Variants in DECR1 observed in about 807,000 individuals in gnomAD.
The protein encoded by DECR1 is 2,4-dienoyl-CoA reductase [(3E)-enoyl-CoA-producing], mitochondrial.
DECR1 carries 44 observed loss-of-function variants against 38.8 expected under a neutral mutation model. That is an observed-to-expected ratio of 1.13 (90% CI 0.89 to 1.46). The LOEUF (loss-of-function observed/expected upper bound fraction) is 1.46. Ranked by LOEUF, DECR1 falls within the 40% of genes most tolerant of loss-of-function variation. The pLI, the probability that DECR1 is intolerant of heterozygous loss-of-function variation, is 0.00. For missense variants in DECR1, 428 were observed against 405.5 expected (o/e 1.06, Z -0.48); for synonymous variants, 148 against 135.2 (o/e 1.09, Z -0.66).
At chr8:90,005,476 A>G (rs964891032) in intron 1 of DECR1, 1 of 455,896 alleles carries the variant, frequency 2.2e-6, no homozygotes, top group Non-Finnish European at 4.4e-6. Flanking sequence ...ATGGAAGCCA[A>G]AGTATCACTT....
chr8:90,012,781 A>G (rs565606713), intron 1 of DECR1, among the ~76,000 whole-genome samples: 29 of 152,320 alleles, frequency 1.9e-4, no homozygotes, highest in South Asian at 1.0e-3. Context: ...TAGCAGGCCA[A>G]TTTGGAAGCC....
At chr8:90,051,090 G>A (rs770760438) in intron 8 of DECR1, among the ~76,000 whole-genome samples, 9 of 151,736 alleles carry the variant, frequency 5.9e-5, no homozygotes, top group Admixed American at 2.6e-4. Flanking sequence ...GAGTTAATGC[G>A]TGCAGCACAC....
intron 8 of DECR1, among the ~76,000 whole-genome samples, chr8:90,049,782 A>G (rs1299440802): frequency 6.6e-6 from 1 of 152,222 alleles, no homozygotes; most frequent in East Asian, 1.9e-4. Flanking sequence ...AAACTATACT[A>G]CAAGGCTACA....
intron 1 of DECR1, among the ~76,000 whole-genome samples, chr8:90,012,387 A>G (rs1413638743): frequency 1.3e-5 from 2 of 152,064 alleles, no homozygotes; most frequent in Non-Finnish European, 2.9e-5. Context: ...TCCTGATCTC[A>G]GGTGGTCCAC....
At chr8:90,047,032 G>T (rs574941938) in intron 8 of DECR1, among the ~76,000 whole-genome samples, 4 of 152,112 alleles carry the variant, frequency 2.6e-5, no homozygotes, top group Non-Finnish European at 2.9e-5. Flanking sequence ...CCTGAAGGAA[G>T]CACTAAACAT....
intron 1 of DECR1, chr8:90,015,430 G>A (rs1812984187): frequency 3.2e-6 from 1 of 307,848 alleles, no homozygotes; most frequent in Admixed American, 4.1e-5. Context: ...TTTCCTTCTA[G>A]TCTTTTTTTC....
At chr8:90,040,065 C>T (rs1023803775) in intron 6 of DECR1, among the ~76,000 whole-genome samples, 1 of 152,142 alleles carries the variant, frequency 6.6e-6, no homozygotes, top group African/African-American at 2.4e-5. Context: ...AGCAATTGAA[C>T]AAATGTATCT....
At chr8:90,027,939 T>G (rs1287548349) in intron 5 of DECR1, among the ~76,000 whole-genome samples, 2 of 152,166 alleles carry the variant, frequency 1.3e-5, no homozygotes, top group African/African-American at 4.8e-5. Flanking sequence ...TTCATTTTGG[T>G]AAATTATCCT....
rs563300647 is a variant in DECR1 at position 90,052,896 on chromosome 8, A to C, written c.*999A>C. Among the ~76,000 whole-genome samples the C allele has an allele frequency of 2.0e-5, 3 of 152,300 alleles. No homozygotes were observed. The highest frequency in any genetic ancestry group is 1.3e-4 in the Admixed American group (2 of 15,294). On this transcript the variant is annotated 3_prime_UTR_variant, in exon 10 of 10. Coordinates refer to ENST00000220764, the MANE Select transcript of DECR1 (RefSeq NM_001359.2). The stretch of plus-strand genomic sequence containing the variant: ...CATTGCCCAAGTTGACACAAGAGGA[A>C]ACCAGCTTCCATCTTACCTCATCTG...
intron 1 of DECR1, among the ~76,000 whole-genome samples, chr8:90,013,399 GTTT>G (rs57505716): frequency 1.2e-4 from 9 of 77,988 alleles, no homozygotes; most frequent in East Asian, 4.6e-4. Flanking sequence ...CTCTTCTTTC[GTTT>G]TTTTTTTTTT....
intron 1 of DECR1, among the ~76,000 whole-genome samples, chr8:90,011,159 C>G (rs537164037): frequency 1.2e-4 from 19 of 152,240 alleles, no homozygotes; most frequent in Middle Eastern, 3.4e-3. Context: ...ATTTCTCTAC[C>G]TTGAGTTTTA....
chr8:90,022,359 G>T (rs1208923985), intron 5 of DECR1, among the ~76,000 whole-genome samples: 1 of 152,158 alleles, frequency 6.6e-6, no homozygotes, highest in Non-Finnish European at 1.5e-5. Flanking sequence ...GTGTGTGTGT[G>T]TGTCTGCTCA....
At chr8:90,006,207 G>A in intron 1 of DECR1, 1 of 704,092 alleles carries the variant, frequency 1.4e-6, no homozygotes, top group South Asian at 1.5e-5. Flanking sequence ...GCCTGGAGTT[G>A]TACTACCTGA....
chr8:90,051,039 G>A (rs888640555), intron 8 of DECR1, among the ~76,000 whole-genome samples: 7 of 152,064 alleles, frequency 4.6e-5, no homozygotes, highest in Admixed American at 1.3e-4. Context: ...TGGGAGGAGC[G>A]GGGAGGGATA....
intron 1 of DECR1, among the ~76,000 whole-genome samples, chr8:90,009,835 CTT>C (rs1169594430): frequency 6.6e-6 from 1 of 152,196 alleles, no homozygotes; most frequent in Admixed American, 6.5e-5. Context: ...GATTTCATCT[CTT>C]TTTATTTTGT....
At chr8:90,029,635 TAATTA>T (rs1210788473) in intron 5 of DECR1, among the ~76,000 whole-genome samples, 5 of 152,218 alleles carry the variant, frequency 3.3e-5, no homozygotes, top group African/African-American at 4.8e-5. Flanking sequence ...TTTTACAGTT[TAATTA>T]AATTATCAGA....
intron 1 of DECR1, among the ~76,000 whole-genome samples, chr8:90,002,407 C>T (rs948179103): frequency 1.3e-5 from 2 of 152,144 alleles, no homozygotes; most frequent in Non-Finnish European, 2.9e-5. Context: ...CTCTGGCCCA[C>T]ACTCCTGTCA....
chr8:90,041,385 T>C (rs939015893), intron 6 of DECR1, among the ~76,000 whole-genome samples: 1 of 152,208 alleles, frequency 6.6e-6, no homozygotes, highest in African/African-American at 2.4e-5. Context: ...ATTAGCCATT[T>C]ATCAGATGGA....
rs372913734 is a variant in DECR1, at chr8:90,044,918, C to T, written c.808C>T (p.Arg270Cys). 31 of 1,613,132 alleles carry T rather than the reference C, an allele frequency of 1.9e-5. 1 individual carries two copies. Among genetic ancestry groups the T allele is most frequent in the East Asian group, 1.1e-4 (5 of 44,852 alleles). Residue 270 changes from arginine to cysteine, a missense_variant, in exon 8 of 10, where the codon CGC becomes TGC. Coordinates refer to ENST00000220764, the MANE Select transcript of DECR1 (RefSeq NM_001359.2). The stretch of plus-strand genomic sequence containing the variant: ...AATGATTGGCAGAATTCCCTGTGGT[C>T]GCCTGGGGACTGTAGAAGAACTCGC... The part of the protein sequence containing the change: ...KEMIGRIPCG[R>C]LGTVEELANL...
Sources: allele counts gnomAD v4.1 joint callset (sites outside exome capture counted in the v4.1 genomes callset), GRCh38; gene constraint gnomAD v4.1.1; transcripts MANE v1.5; gene names NCBI Gene and HGNC (gene_info 2026-07-23, HGNC 2026-07-21).